Variants in TNRC6B observed in about 807,000 individuals in gnomAD.
The protein encoded by TNRC6B is trinucleotide repeat-containing gene 6B protein.
A neutral mutation model predicts 203.6 loss-of-function variants in TNRC6B; 52 were observed. The observed-to-expected ratio is 0.26, with a 90% CI of 0.20 to 0.32. The LOEUF (loss-of-function observed/expected upper bound fraction) is 0.32. Among genes scored for constraint, TNRC6B ranks in the 10% least tolerant of loss-of-function variants. The pLI, the probability that TNRC6B is intolerant of heterozygous loss-of-function variation, is 1.00. For synonymous variants in TNRC6B, 838 were observed against 845.7 expected, an observed-to-expected ratio of 0.99 and a Z score of 0.16; for missense variants, 1,923 against 2,286.2, an observed-to-expected ratio of 0.84 and a Z score of 3.24.
rs572007410 is a variant in TNRC6B at position 40,125,722 on chromosome 22, T to A, written c.-46-50T>A. The A allele has an allele frequency of 2.6e-3, 3,629 of 1,413,064 alleles. 9 individuals are homozygous for A. The highest frequency in any genetic ancestry group is 2.8e-3 in the Non-Finnish European group (2,914 of 1,056,306). 87.5% of individuals were successfully genotyped at this position (1,413,064 alleles called of 1,614,324 possible). A position where few individuals can be genotyped will look rare whatever the true frequency, so the allele number is the denominator to read the frequency against. The stretch of plus-strand genomic sequence containing the variant: ...TCAGTCTAAACCTTTGAAAAAAAAA[T>A]TTTTTTGCCCTGAATTCCTTACATA... On this transcript the variant is annotated intron_variant, in intron 2 of 23. Coordinates refer to the TNRC6B transcript ENST00000301923.
intron 1 of TNRC6B, among the ~76,000 whole-genome samples, chr22:40,192,698 G>T (rs1356975433): frequency 6.6e-6 from 1 of 152,156 alleles, no homozygotes; most frequent in East Asian, 1.9e-4. Flanking sequence ...AAGAGGGAGG[G>T]ATCCTAGATC....
At chr22:40,256,321 C>A (rs374240043) in intron 3 of TNRC6B, among the ~76,000 whole-genome samples, 1 of 152,144 alleles carries the variant, frequency 6.6e-6, no homozygotes, top group Non-Finnish European at 1.5e-5. Flanking sequence ...GGAAAGGGTG[C>A]AGACCCTATT....
intron 1 of TNRC6B, among the ~76,000 whole-genome samples, chr22:40,098,059 G>T (rs576977900): frequency 6.6e-6 from 1 of 152,130 alleles, no homozygotes; most frequent in East Asian, 1.9e-4. Context: ...TGAGGTGTGT[G>T]TGTGTGTAAG....
chr22:40,060,325 T>A (rs1432600504), intron 1 of TNRC6B, among the ~76,000 whole-genome samples: 2 of 152,024 alleles, frequency 1.3e-5, no homozygotes, highest in African/African-American at 2.4e-5. Context: ...AGTTCAGGTG[T>A]GTGCCACCAC....
At position 40,216,914 on chromosome 22, in the gene TNRC6B, G is replaced by A. The variant is rs1009796607; in HGVS notation, c.6-29101G>A. Among the ~76,000 whole-genome samples the A allele has an allele frequency of 2.6e-5, 4 of 152,044 alleles. No individual in the cohort carries two copies. In the East Asian group the frequency reaches 5.8e-4, roughly 22 times the overall value. Reference sequence around the variant, plus strand: ...AGACAAACATGAATTATCCTACTTCGTTTCCTTGAGTTGCCATCAGTCCCA... The same window carrying A: ...AGACAAACATGAATTATCCTACTTCATTTCCTTGAGTTGCCATCAGTCCCA... On this transcript the variant is annotated intron_variant, in intron 1 of 22. Transcript: ENST00000454349.
At chr22:40,232,414 A>T (rs1366877473) in intron 1 of TNRC6B, among the ~76,000 whole-genome samples, 1 of 152,228 alleles carries the variant, frequency 6.6e-6, no homozygotes, top group Non-Finnish European at 1.5e-5. Context: ...ATAACTGCAC[A>T]TATTTGGAGA....
At chr22:40,245,525 A>T (rs1395055225) in intron 1 of TNRC6B, among the ~76,000 whole-genome samples, 1 of 152,144 alleles carries the variant, frequency 6.6e-6, no homozygotes, top group African/African-American at 2.4e-5. Flanking sequence ...AAAAATTTAG[A>T]ATACAGAACA....
At chr22:40,074,584 C>T (rs2067988568) in intron 1 of TNRC6B, among the ~76,000 whole-genome samples, 1 of 152,084 alleles carries the variant, frequency 6.6e-6, no homozygotes, top group Non-Finnish European at 1.5e-5. Flanking sequence ...CGAGACCATC[C>T]TAGCTAACAC....
Position 40,324,956 on chromosome 22 carries a change from T to C in TNRC6B, c.*1715T>C, listed in dbSNP as rs1003588915. 6 of 152,538 alleles carry C rather than the reference T, an allele frequency of 3.9e-5. No homozygotes were observed. Among genetic ancestry groups the C allele is most frequent in the Admixed American group, 2.6e-4 (4 of 15,274 alleles). The allele number at this position is 152,538 out of a possible 1,614,324, so 9.4% of individuals were successfully genotyped here. A position where few individuals can be genotyped will look rare whatever the true frequency, so the allele number is the denominator to read the frequency against. ...GTTATCACCAACATGTATGTACTTA[T>C]GTCGGAATCAAAATGTATCAAACTG... is the stretch of plus-strand genomic sequence containing the variant. On this transcript the variant is annotated 3_prime_UTR_variant, in exon 23 of 23. Coordinates refer to ENST00000454349, the MANE Select transcript of TNRC6B (RefSeq NM_001162501.2).
chr22:40,114,042 G>C (rs890907703), intron 1 of TNRC6B, among the ~76,000 whole-genome samples: 1 of 152,184 alleles, frequency 6.6e-6, no homozygotes, highest in African/African-American at 2.4e-5. Context: ...GTCCTGGGAA[G>C]ACTGGAATGG....
At chr22:40,092,353 A>C (rs2068157105) in intron 1 of TNRC6B, among the ~76,000 whole-genome samples, 1 of 151,528 alleles carries the variant, frequency 6.6e-6, no homozygotes, top group Non-Finnish European at 1.5e-5. Flanking sequence ...CAGTGAGCTG[A>C]GATCTACCAC....
chr22:40,150,160 GA>G (rs2068736497), intron 3 of TNRC6B, among the ~76,000 whole-genome samples: 3 of 152,200 alleles, frequency 2.0e-5, no homozygotes, highest in African/African-American at 7.2e-5. Flanking sequence ...GGCAGATCAC[GA>G]GGTCAGGAGA....
chr22:40,265,882 G>A lies in TNRC6B; in HGVS notation c.1652G>A (p.Gly551Asp), dbSNP rs1675375781. 1.2e-6 allele frequency: 2 copies of A among 1,613,906 alleles called. No homozygotes were observed. Among genetic ancestry groups the A allele is most frequent in the Non-Finnish European group, 1.7e-6 (2 of 1,179,910 alleles). ...QKGHPLPENQ[G>D]NAQAPCWGRS... ...GGCCACCCCCTCCCTGAAAACCAAG[G>A]CAATGCCCAGGCTCCCTGTTGGGGA... Residue 551 changes from glycine (G) to aspartate (D), a missense_variant, in exon 5 of 23, where the codon GGC becomes GAC. Around this residue, in one of 8 missense-constraint regions of TNRC6B, gnomAD observed 614 missense variants for 587.7 expected, o/e 1.04. Transcript: ENST00000454349.
intron 4 of TNRC6B, among the ~76,000 whole-genome samples, chr22:40,170,953 A>G (rs1171134912): frequency 1.4e-5 from 2 of 147,072 alleles, no homozygotes; most frequent in East Asian, 2.0e-4. Context: ...ATATAGGTGT[A>G]TATATACACA....
At chr22:40,171,756 C>G (rs1342987832) in intron 4 of TNRC6B, among the ~76,000 whole-genome samples, 1 of 152,184 alleles carries the variant, frequency 6.6e-6, no homozygotes, top group Non-Finnish European at 1.5e-5. Context: ...TATGATCTAG[C>G]TCTTCCTACC....
chr22:40,149,312 C>T (rs2068724387), intron 3 of TNRC6B, among the ~76,000 whole-genome samples: 1 of 152,138 alleles, frequency 6.6e-6, no homozygotes, highest in Admixed American at 6.5e-5. Context: ...GAAAATGCAG[C>T]TGCATCTATA....
At chr22:40,254,623 C>T (rs2070241399) in intron 3 of TNRC6B, among the ~76,000 whole-genome samples, 1 of 152,206 alleles carries the variant, frequency 6.6e-6, no homozygotes, top group Non-Finnish European at 1.5e-5. Context: ...CGCGGTGGCT[C>T]ACGCCTGTAA....
At chr22:40,296,690 C>T (rs949536880) in intron 12 of TNRC6B, among the ~76,000 whole-genome samples, 2 of 150,066 alleles carry the variant, frequency 1.3e-5, no homozygotes, top group African/African-American at 2.5e-5. Flanking sequence ...TGCAGTGGCA[C>T]GATCTTTGCT....
chr22:40,264,878 C>G lies in TNRC6B; in HGVS notation c.648C>G (p.Thr216=). ...CTGAATCTTCTTCCGAAAACACCACCGATAACAACAGTGCCTCGAACCCTG... is the reference window on the plus strand; with the variant it reads ...CTGAATCTTCTTCCGAAAACACCACGGATAACAACAGTGCCTCGAACCCTG... ...KDTESSSENT[T]DNNSASNPGS... The change falls in exon 5 of 23, where the codon ACC becomes ACG. Residue 216 remains threonine (T), a synonymous_variant. Coordinates refer to ENST00000454349, the MANE Select transcript of TNRC6B (RefSeq NM_001162501.2). 2 of 1,613,880 alleles carry G rather than the reference C, an allele frequency of 1.2e-6. No individual in the cohort carries two copies. The highest frequency in any genetic ancestry group is 1.7e-6 in the Non-Finnish European group (2 of 1,179,880).
Sources: allele counts gnomAD v4.1 joint callset (sites outside exome capture counted in the v4.1 genomes callset), GRCh38; gene constraint gnomAD v4.1.1; regional missense constraint gnomAD v4.1.1; transcripts MANE v1.5; gene names NCBI Gene and HGNC (gene_info 2026-07-23, HGNC 2026-07-21).